The following TOX variants were observed in gnomAD, a reference collection of about 807,000 sequenced individuals.
TOX encodes thymocyte selection associated high mobility group box.
Under a neutral mutation model 53.7 loss-of-function variants are expected in TOX, and 11 were observed. The ratio of observed to expected loss-of-function variants is 0.20; its 90% CI spans 0.13 to 0.34. TOX has a LOEUF of 0.34. Ranked by LOEUF, TOX falls within the 10% of genes least tolerant of loss-of-function variation. The pLI, the probability that TOX is intolerant of heterozygous loss-of-function variation, is 1.00. For synonymous variants in TOX, 225 were observed against 245.3 expected (o/e 0.92, Z 0.77); for missense variants, 570 against 664.6 (o/e 0.86, Z 1.56).
chr8:58,935,934 A>G (rs545776841), intron 3 of TOX, among the ~76,000 whole-genome samples: 3 of 152,306 alleles, frequency 2.0e-5, no homozygotes, highest in East Asian at 3.9e-4. Flanking sequence ...GGATGCAAAA[A>G]TGGCTTAATG....
At chr8:58,983,523 T>C (rs180983855) in intron 1 of TOX, among the ~76,000 whole-genome samples, 16 of 152,328 alleles carry the variant, frequency 1.1e-4, no homozygotes, top group African/African-American at 3.4e-4. Context: ...TATGTAAAAG[T>C]GAGATCATGA....
chr8:58,927,964 A>C (rs1369607584), intron 3 of TOX, among the ~76,000 whole-genome samples: 2 of 152,194 alleles, frequency 1.3e-5, no homozygotes, highest in African/African-American at 4.8e-5. Flanking sequence ...ACGGCTTCTC[A>C]AGATCCCAAT....
At chr8:58,950,693 G>T (rs898527506) in intron 2 of TOX, among the ~76,000 whole-genome samples, 10 of 152,150 alleles carry the variant, frequency 6.6e-5, no homozygotes, top group Non-Finnish European at 1.2e-4. Context: ...AAAGAGTGGA[G>T]GGAGGGTGAG....
intron 1 of TOX, among the ~76,000 whole-genome samples, chr8:59,112,002 T>C (rs925211591): frequency 3.3e-5 from 5 of 152,220 alleles, no homozygotes; most frequent in Non-Finnish European, 7.3e-5. Flanking sequence ...GATTTTTTCA[T>C]GAGTAACATG....
In TOX at chr8:58,982,934, C is replaced by T. The variant is rs538907513; in HGVS notation, c.103-22926G>A. On this transcript the variant is annotated intron_variant, in intron 1 of 8. Coordinates refer to ENST00000361421, the MANE Select transcript of TOX (RefSeq NM_014729.3). The stretch of plus-strand genomic sequence containing the variant: ...GTGCTCTGCATGCCCTGTGACATCA[C>T]CATTCCCTCCTCTCTGCATTTATTC... Among the ~76,000 whole-genome samples, 21 of 152,276 alleles carry T rather than the reference C, an allele frequency of 1.4e-4. No individual in the cohort carries two copies. In the East Asian group the frequency reaches 3.1e-3, roughly 22 times the overall value.
At chr8:58,900,470 A>G (rs1811717727) in intron 3 of TOX, among the ~76,000 whole-genome samples, 1 of 152,168 alleles carries the variant, frequency 6.6e-6, no homozygotes, top group Admixed American at 6.5e-5. Flanking sequence ...AACTGAATAC[A>G]TCAACTAGCA....
chr8:59,022,776 G>A (rs1450297642), intron 1 of TOX, among the ~76,000 whole-genome samples: 1 of 152,260 alleles, frequency 6.6e-6, no homozygotes, highest in South Asian at 2.1e-4. Context: ...AGACAGGTGA[G>A]CAATCAGGAG....
chr8:59,016,151 A>G (rs1220931832), intron 1 of TOX, among the ~76,000 whole-genome samples: 3 of 152,174 alleles, frequency 2.0e-5, no homozygotes, highest in Non-Finnish European at 4.4e-5. Flanking sequence ...ATCAATATTT[A>G]AATGCCTACT....
chr8:58,833,483 T>C (rs906080680), intron 5 of TOX, among the ~76,000 whole-genome samples: 1 of 152,150 alleles, frequency 6.6e-6, no homozygotes, highest in Non-Finnish European at 1.5e-5. Flanking sequence ...TCAGAAATAA[T>C]GGAGGTAAAC....
intron 1 of TOX, among the ~76,000 whole-genome samples, chr8:59,086,944 TA>T (rs1804522555): frequency 6.6e-6 from 1 of 152,162 alleles, no homozygotes; most frequent in African/African-American, 2.4e-5. Context: ...AGGATGAAGT[TA>T]GTAAAAGGTT....
chr8:58,983,011 T>C (rs1813231479), intron 1 of TOX, among the ~76,000 whole-genome samples: 1 of 152,180 alleles, frequency 6.6e-6, no homozygotes, highest in African/African-American at 2.4e-5. Context: ...ATATCCAAAT[T>C]TTAACCATCC....
chr8:58,913,055 G>A lies in TOX; in HGVS notation c.411+26247C>T, dbSNP rs192149784. 3.4e-3 allele frequency among the ~76,000 whole-genome samples: 516 copies of A among 152,276 alleles called. 3 individuals carry two copies. Among genetic ancestry groups the A allele is most frequent in the Non-Finnish European group, 5.9e-3 (398 of 68,022 alleles). ...GGTTCTCTACGAACTGGCCCCAATC[G>A]AATGTTTATTCTTTCATTCATATCC... On this transcript the variant is annotated intron_variant, in intron 3 of 8. Transcript: ENST00000361421.
rs1409029358 is a variant in TOX, at chr8:59,118,876, G to A, written c.102+10C>T. ...CAAGAACACGGTGGAAACAAAAGCA[G>A]AGCGTTCACCTTGTTGCAATAGTAG... On this transcript the variant is annotated intron_variant, in intron 1 of 8. Transcript: ENST00000361421. This position sits in a 1 kb window ranked among gnomAD's most constrained non-coding sequence, Gnocchi z 4.1. 7.6e-6 allele frequency: 12 copies of A among 1,571,952 alleles called. No individual in the cohort carries two copies. The highest frequency in any genetic ancestry group is 9.5e-6 in the Non-Finnish European group (11 of 1,156,132).
Position 58,927,510 on chromosome 8 carries a change from C to T in TOX, c.411+11792G>A, listed in dbSNP as rs1297740843. Among the ~76,000 whole-genome samples, 4 of 152,224 alleles carry T rather than the reference C, an allele frequency of 2.6e-5. No individual in the cohort carries two copies. In the South Asian group the frequency reaches 8.3e-4, roughly 32 times the overall value. On this transcript the variant is annotated intron_variant, in intron 3 of 8. Transcript: ENST00000361421. ...GCATCTTTGTCCCATGGTCCTTCTG[C>T]GTAAGATGAGAATCGCACCTCCCAC... is the stretch of plus-strand genomic sequence containing the variant.
At chr8:58,939,632 T>C in intron 2 of TOX, 88 bp from the exon 3 acceptor site, 1 of 1,501,506 alleles carries the variant, frequency 6.7e-7, no homozygotes, top group East Asian at 2.3e-5. Context: ...TTAGATATTA[T>C]TACAAGCAGC....
At chr8:59,052,839 G>GA (rs532712949) in intron 1 of TOX, among the ~76,000 whole-genome samples, 1 of 152,062 alleles carries the variant, frequency 6.6e-6, no homozygotes, top group African/African-American at 2.4e-5. Flanking sequence ...AAAGTTCTTA[G>GA]AAAAAAACCT....
chr8:59,102,268 C>T (rs1450506743), intron 1 of TOX, among the ~76,000 whole-genome samples: 2 of 151,694 alleles, frequency 1.3e-5, no homozygotes, highest in African/African-American at 2.4e-5. Flanking sequence ...TGCTTTGTCC[C>T]CCAGCCTGCA....
chr8:59,065,242 C>G (rs934604600), intron 1 of TOX, among the ~76,000 whole-genome samples: 1 of 152,070 alleles, frequency 6.6e-6, no homozygotes, highest in African/African-American at 2.4e-5. Context: ...AACAAAAAAA[C>G]CATTTCTCCC....
chr8:58,876,779 C>A (rs553120896), intron 3 of TOX, among the ~76,000 whole-genome samples: 1 of 152,068 alleles, frequency 6.6e-6, no homozygotes, highest in South Asian at 2.1e-4. Flanking sequence ...CACAGCTATT[C>A]GTGGAGTGCC....
Sources: gnomAD v4.1 joint callset for allele counts (sites outside exome capture counted in the v4.1 genomes callset) on GRCh38, gnomAD v4.1.1 for gene constraint, Gnocchi (gnomAD v3.1) non-coding constraint, MANE v1.5 for transcripts, NCBI Gene and HGNC (gene_info 2026-07-23, HGNC 2026-07-21) for gene names.